The following ASNS variants were observed in gnomAD, a reference collection of about 807,000 sequenced individuals.
ASNS encodes asparagine synthetase (glutamine-hydrolyzing).
In ASNS, 37 loss-of-function variants were observed where a neutral mutation model predicts 62.6. The observed-to-expected ratio is 0.59, with a 90% CI of 0.45 to 0.78. ASNS has a LOEUF of 0.78. ASNS is among the 30% of genes least tolerant of loss of function. The pLI is 0.00. For synonymous variants in ASNS, 207 were observed against 237.9 expected (o/e 0.87, Z 1.19); for missense variants, 520 against 682.4 (o/e 0.76, Z 2.65).
chr7:97,886,377 G>T, the ASNS span, among the ~76,000 whole-genome samples: 1 of 152,244 alleles, frequency 6.6e-6, no homozygotes, highest in Middle Eastern at 3.4e-3. Context: ...TCAATCTCCT[G>T]ACCTCGTGAC....
At chr7:97,904,838 T>G in the ASNS span, among the ~76,000 whole-genome samples, 1 of 152,208 alleles carries the variant, frequency 6.6e-6, no homozygotes, top group African/African-American at 2.4e-5. Context: ...ATAGGCACAT[T>G]TCTGTGACAT....
the ASNS span, among the ~76,000 whole-genome samples, chr7:97,913,597 G>T: frequency 1.3e-5 from 2 of 151,860 alleles, no homozygotes. Context: ...TGCAAGAGTA[G>T]AAGCTATTAA....
At chr7:97,927,577 C>G in the ASNS span, among the ~76,000 whole-genome samples, 2 of 152,368 alleles carry the variant, frequency 1.3e-5, no homozygotes, top group East Asian at 3.9e-4. Flanking sequence ...TTCTGGTATC[C>G]TGGTCTTTGG....
intron 4 of ASNS, chr7:97,863,943 A>C (rs1791840421): frequency 8.0e-6 from 2 of 251,042 alleles, no homozygotes; most frequent in Non-Finnish European, 1.5e-5. Flanking sequence ...ACAATGCAAT[A>C]ATTGCAGAGT....
At chr7:97,907,372 G>A in the ASNS span, among the ~76,000 whole-genome samples, 2 of 152,216 alleles carry the variant, frequency 1.3e-5, no homozygotes, top group Non-Finnish European at 2.9e-5. Flanking sequence ...TCTTCTTTGA[G>A]TGTGAAATAT....
the ASNS span, among the ~76,000 whole-genome samples, chr7:97,927,076 T>G: frequency 1.7e-5 from 2 of 116,080 alleles, no homozygotes; most frequent in African/African-American, 8.4e-5. Context: ...CCTGGCTTTT[T>G]TTTTTTTTTT....
upstream of ASNS, among the ~76,000 whole-genome samples, chr7:97,876,182 G>A (rs574651822): frequency 7.5e-4 from 114 of 152,216 alleles, no homozygotes; most frequent in African/African-American, 2.7e-3. Context: ...GATTTGGAAG[G>A]TCAGAGTTAG....
At chr7:97,889,811 A>G in the ASNS span, among the ~76,000 whole-genome samples, 5 of 151,834 alleles carry the variant, frequency 3.3e-5, no homozygotes, top group African/African-American at 7.2e-5. Context: ...AAGAAGCACA[A>G]TAATTCTCCA....
At chr7:97,871,691 A>G (rs189474472) in intron 1 of ASNS, 2 of 152,260 alleles carry the variant, frequency 1.3e-5, no homozygotes, top group East Asian at 3.9e-4. Context: ...CTTTTTCTGT[A>G]CTTGGTCGCC....
Position 97,853,311 on chromosome 7 carries a change from A to G in ASNS, c.1314T>C (p.Ile438=). The change falls in exon 11 of 13, where the codon ATT becomes ATC. Residue 438 remains isoleucine (I), a synonymous_variant. Coordinates refer to ENST00000394308, the MANE Select transcript of ASNS (RefSeq NM_001673.5). ...YYLSLPPEMR[I]PKNGIEKHLL... ...CTTGAGTTGATTTACCTACCTTTGG[A>G]ATTCTCATTTCTGGTGGCAGAGACA... 6.2e-7 allele frequency: 1 copy of G among 1,613,862 alleles called. No homozygotes were observed. Among genetic ancestry groups the G allele is most frequent in the Non-Finnish European group, 8.5e-7 (1 of 1,179,918 alleles).
At position 97,870,206 on chromosome 7, in the gene ASNS, C is replaced by T. The variant is rs563062373; in HGVS notation, c.-59-393G>A. 2.2e-4 allele frequency: 222 copies of T among 1,000,356 alleles called. No homozygotes were observed. The African/African-American group carries it at 3.2e-3, about 14-fold the overall frequency. The allele number at this position is 1,000,356 out of a possible 1,614,324, so 62.0% of individuals were successfully genotyped here. On this transcript the variant is annotated intron_variant, in intron 1 of 12. Transcript: ENST00000394308. ...GGCCCTGTTTGGCAGTGATGACTGC[C>T]TTTCTGTTCAGTGTCTGAGTGCTAC... is the stretch of plus-strand genomic sequence containing the variant.
chr7:97,900,359 TCAAAAA>T, the ASNS span, among the ~76,000 whole-genome samples: 7 of 58,386 alleles, frequency 1.2e-4, no homozygotes, highest in African/African-American at 5.2e-4. Flanking sequence ...AGACTTTGTC[TCAAAAA>T]AAAAAAAAAA....
chr7:97,858,525 GT>G, intron 6 of ASNS, 120 bp from the exon 7 acceptor site: 2 of 1,296,486 alleles, frequency 1.5e-6, no homozygotes, highest in Middle Eastern at 2.1e-4. Context: ...AATCCGCCAA[GT>G]TTTATAAACT....
At chr7:97,883,714 G>A in the ASNS span, among the ~76,000 whole-genome samples, 1 of 152,166 alleles carries the variant, frequency 6.6e-6, no homozygotes, top group Non-Finnish European at 1.5e-5. Context: ...TCGGCCGGGC[G>A]CGGTGGCTCA....
At chr7:97,908,038 C>CTA in the ASNS span, among the ~76,000 whole-genome samples, 4 of 152,028 alleles carry the variant, frequency 2.6e-5, no homozygotes, top group Admixed American at 2.6e-4. Flanking sequence ...AGTGATAGGA[C>CTA]TATGATTGCA....
At chr7:97,876,240 G>A (rs1273850911), upstream of ASNS, among the ~76,000 whole-genome samples, 6 of 152,170 alleles carry the variant, frequency 3.9e-5, no homozygotes, top group African/African-American at 1.4e-4. Context: ...AGCAGAGCTT[G>A]GCTGTGAGTT....
Position 97,852,451 on chromosome 7 carries a change from C to T in ASNS, c.1494G>A (p.Met498Ile). The T allele has an allele frequency of 6.2e-7, 1 of 1,614,064 alleles. No homozygotes were observed. The highest frequency in any genetic ancestry group is 8.5e-7 in the Non-Finnish European group (1 of 1,180,000). The change falls in exon 13 of 13, where the codon ATG becomes ATA. Residue 498 changes from methionine to isoleucine, a missense_variant. Met to Ile is a conservative substitution (Grantham distance 10). Coordinates refer to ENST00000394308, the MANE Select transcript of ASNS (RefSeq NM_001673.5). ...AGGGAAATTTCTGGGCTGCATTTGC[C>T]ATCATTGCATCATCAACCTGTAAGA... Reference protein sequence around the residue: ...YVEHQVDDAMMANAAQKFPFN... With the variant: ...YVEHQVDDAMIANAAQKFPFN...
the ASNS span, among the ~76,000 whole-genome samples, chr7:97,927,495 G>C: frequency 6.6e-6 from 1 of 152,256 alleles, no homozygotes; most frequent in African/African-American, 2.4e-5. Flanking sequence ...GCAGAACCAG[G>C]ATGCAAACCC....
At chr7:97,879,612 A>C in the ASNS span, among the ~76,000 whole-genome samples, 1 of 152,188 alleles carries the variant, frequency 6.6e-6, no homozygotes, top group Admixed American at 6.5e-5. Context: ...TGAGACCAGC[A>C]GCCTGCAAGG....
Sources: allele counts gnomAD v4.1 joint callset (sites outside exome capture counted in the v4.1 genomes callset), GRCh38; gene constraint gnomAD v4.1.1; transcripts MANE v1.5; gene names NCBI Gene and HGNC (gene_info 2026-07-23, HGNC 2026-07-21).